FAM3B: variants seen among roughly 807,000 people sequenced by gnomAD.
The protein encoded by FAM3B is protein FAM3B.
Under a neutral mutation model 28.4 loss-of-function variants are expected in FAM3B, and 29 were observed. The observed-to-expected ratio is 1.02, with a 90% CI of 0.76 to 1.39. The LOEUF (loss-of-function observed/expected upper bound fraction) is 1.39, where lower values mean the gene tolerates loss of function less well. FAM3B is among the 40% of genes most tolerant of loss of function. The probability of loss-of-function intolerance (pLI) is 0.00; values close to 1 mark genes in which losing one functional copy is unlikely to be tolerated. For synonymous variants in FAM3B, 91 were observed against 103.0 expected (o/e 0.88, Z 0.71); for missense variants, 266 against 293.9 (o/e 0.91, Z 0.69).
upstream of FAM3B, among the ~76,000 whole-genome samples, chr21:41,312,622 G>T (rs2088721295): frequency 6.6e-6 from 1 of 152,120 alleles, no homozygotes; most frequent in Non-Finnish European, 1.5e-5. Context: ...AGAAAAGCAT[G>T]TACAATTCAG....
chr21:41,348,728 A>G lies in FAM3B; in HGVS notation c.618+4A>G, dbSNP rs184023863. The G allele has an allele frequency of 6.9e-5, 111 of 1,614,230 alleles. No homozygotes were observed. The East Asian group carries it at 1.6e-3, about 24-fold the overall frequency. On this transcript the variant is annotated splice_donor_region_variant and intron_variant, in intron 7 of 7. Coordinates refer to ENST00000357985, the MANE Select transcript of FAM3B (RefSeq NM_058186.4). ...TTCCGAAATTCAGAGAGAAAAGGTGAGTGGTTTTAAAATGTCCCTTCCCAC... is the reference window on the plus strand; with the variant it reads ...TTCCGAAATTCAGAGAGAAAAGGTGGGTGGTTTTAAAATGTCCCTTCCCAC...
chr21:41,329,573 C>CTT (rs1166660173), intron 2 of FAM3B, among the ~76,000 whole-genome samples: 59 of 143,586 alleles, frequency 4.1e-4, no homozygotes, highest in African/African-American at 1.2e-3. Context: ...TTTCTTTTTC[C>CTT]TTTTTTTTTT....
intron 1 of FAM3B, among the ~76,000 whole-genome samples, chr21:41,306,396 G>A (rs1387869195): frequency 6.6e-6 from 1 of 152,156 alleles, no homozygotes; most frequent in South Asian, 2.1e-4. Context: ...AATTGACTTT[G>A]CCCAGATCCA....
In FAM3B at chr21:41,322,964, G is replaced by C; in HGVS notation, c.61G>C (p.Ala21Pro). 6.2e-7 allele frequency: 1 copy of C among 1,613,276 alleles called. No homozygotes were observed. Reference sequence around the variant, plus strand: ...GTTCGTGGTCTTCGCCTCCTTGTGTGCCTGGTATTCGGGGTACCTGCTCGC... The same window carrying C: ...GTTCGTGGTCTTCGCCTCCTTGTGTCCCTGGTATTCGGGGTACCTGCTCGC... ...VVFVVFASLC[A>P]WYSGYLLAEL... The change falls in exon 2 of 8, where the codon GCC becomes CCC. Residue 21 changes from alanine to proline, a missense_variant. Physicochemically the swap from Ala to Pro is conservative, Grantham distance 27. Coordinates refer to ENST00000357985, the MANE Select transcript of FAM3B (RefSeq NM_058186.4).
upstream of FAM3B, among the ~76,000 whole-genome samples, chr21:41,314,377 T>G (rs1311993944): frequency 6.6e-6 from 1 of 152,214 alleles, no homozygotes; most frequent in Admixed American, 6.5e-5. Flanking sequence ...GACTAAGTCT[T>G]GCCTAAGGAG....
chr21:41,343,887 G>A (rs2089030032), intron 3 of FAM3B, among the ~76,000 whole-genome samples: 1 of 152,172 alleles, frequency 6.6e-6, no homozygotes, highest in Non-Finnish European at 1.5e-5. Flanking sequence ...GGAGGCTGAG[G>A]CGGGCAGATC....
intron 2 of FAM3B, among the ~76,000 whole-genome samples, chr21:41,331,621 A>G (rs542085938): frequency 3.3e-5 from 5 of 152,290 alleles, no homozygotes; most frequent in Admixed American, 2.6e-4. Context: ...ATGTGGTGTG[A>G]GATGAGGATC....
intron 3 of FAM3B, among the ~76,000 whole-genome samples, chr21:41,339,687 T>C (rs1225492683): frequency 6.6e-6 from 1 of 152,190 alleles, no homozygotes; most frequent in African/African-American, 2.4e-5. Context: ...ACAATACAAC[T>C]ACTGAGTGAA....
chr21:41,324,010 A>G (rs1568913697), intron 2 of FAM3B, among the ~76,000 whole-genome samples: 1 of 152,122 alleles, frequency 6.6e-6, no homozygotes, highest in African/African-American at 2.4e-5. Context: ...TGCTTCATGG[A>G]TGGCTCCTTC....
chr21:41,307,921 T>C (rs943752993), intron 1 of FAM3B, among the ~76,000 whole-genome samples: 3 of 151,868 alleles, frequency 2.0e-5, no homozygotes, highest in African/African-American at 7.3e-5. Context: ...AGTAAGCACA[T>C]GCTGTTGGAA....
chr21:41,305,398 G>C (rs578061258), intron 1 of FAM3B, among the ~76,000 whole-genome samples: 2 of 152,108 alleles, frequency 1.3e-5, no homozygotes, highest in African/African-American at 4.8e-5. Context: ...TCAGAAATAC[G>C]TTCTATTTTC....
In FAM3B at chr21:41,347,003, C is replaced by T; in HGVS notation, c.398-10C>T. The stretch of plus-strand genomic sequence containing the variant: ...CAAAGACCCTAAAACTGACTTGCAT[C>T]CCCCAATAGATAACTCTGGACCGAT... On this transcript the variant is annotated splice_polypyrimidine_tract_variant and intron_variant, in intron 5 of 7. Coordinates refer to ENST00000357985, the MANE Select transcript of FAM3B (RefSeq NM_058186.4). 1 of 1,613,684 alleles carries T rather than the reference C, an allele frequency of 6.2e-7. No homozygotes were observed. Among genetic ancestry groups the T allele is most frequent in the Admixed American group, 1.7e-5 (1 of 60,004 alleles).
At chr21:41,309,517 C>T (rs1489251560) in intron 1 of FAM3B, among the ~76,000 whole-genome samples, 1 of 152,178 alleles carries the variant, frequency 6.6e-6, no homozygotes, top group East Asian at 1.9e-4. Context: ...TATACACATC[C>T]CCAGTCACAG....
intron 2 of FAM3B, among the ~76,000 whole-genome samples, chr21:41,327,745 A>G (rs952994569): frequency 6.6e-6 from 1 of 152,194 alleles, no homozygotes; most frequent in South Asian, 2.1e-4. Context: ...CTTTACCACA[A>G]AGTAAAACTA....
At chr21:41,311,244 AAAAAAAAAT>A (rs1272608043) in intron 1 of FAM3B, among the ~76,000 whole-genome samples, 1 of 67,182 alleles carries the variant, frequency 1.5e-5, no homozygotes, top group Non-Finnish European at 2.8e-5. Context: ...TACAAAAAAA[AAAAAAAAAT>A]ATATATATAT....
At chr21:41,344,035 G>T (rs956208824) in intron 3 of FAM3B, among the ~76,000 whole-genome samples, 1 of 152,202 alleles carries the variant, frequency 6.6e-6, no homozygotes, top group Non-Finnish European at 1.5e-5. Context: ...TGGAAGGATT[G>T]CTTGAGCCCG....
At position 41,316,915 on chromosome 21, in the gene FAM3B, C is replaced by T. The variant is rs767329547; in HGVS notation, c.19+17C>T. On this transcript the variant is annotated intron_variant, in intron 1 of 7. Coordinates refer to ENST00000357985, the MANE Select transcript of FAM3B (RefSeq NM_058186.4). ...TGGCTGGTGGTGAGTGCGCCCCCGC[C>T]TCGGGGCGAGGGTAGGGGCGGGGAA... is the stretch of plus-strand genomic sequence containing the variant. The T allele has an allele frequency of 2.2e-6, 3 of 1,356,010 alleles. No homozygotes were observed. The highest frequency in any genetic ancestry group is 2.9e-5 in the East Asian group (1 of 34,194). 84.0% of individuals were successfully genotyped at this position (1,356,010 alleles called of 1,614,324 possible). A position where few individuals can be genotyped will look rare whatever the true frequency, so the allele number is the denominator to read the frequency against.
At chr21:41,323,682 A>G (rs938807892) in intron 2 of FAM3B, among the ~76,000 whole-genome samples, 3 of 152,176 alleles carry the variant, frequency 2.0e-5, no homozygotes, top group African/African-American at 7.2e-5. Context: ...CCCCTTTGGC[A>G]CTGATACCCT....
upstream of FAM3B, among the ~76,000 whole-genome samples, chr21:41,315,288 A>G (rs1305908572): frequency 6.6e-6 from 1 of 152,156 alleles, no homozygotes; most frequent in Non-Finnish European, 1.5e-5. Flanking sequence ...GGGCAAGGGT[A>G]AATGGTGAGT....
Sources: allele counts gnomAD v4.1 joint callset (sites outside exome capture counted in the v4.1 genomes callset), GRCh38; gene constraint gnomAD v4.1.1; transcripts MANE v1.5; gene names NCBI Gene and HGNC (gene_info 2026-07-23, HGNC 2026-07-21).